MMP26: variants seen among roughly 807,000 people sequenced by gnomAD.
MMP26 encodes matrix metalloproteinase-26.
MMP26 carries 33 observed loss-of-function variants against 31.0 expected under a neutral mutation model. The observed-to-expected ratio is 1.06, with a 90% CI of 0.81 to 1.42. The LOEUF (loss-of-function observed/expected upper bound fraction) is 1.42, where lower values mean the gene tolerates loss of function less well. Ranked by LOEUF, MMP26 falls within the 40% of genes most tolerant of loss-of-function variation. The pLI is 0.00. For synonymous variants in MMP26, 122 were observed against 114.9 expected (o/e 1.06, Z -0.40); for missense variants, 347 against 316.1 (o/e 1.10, Z -0.74).
intron 2 of MMP26, among the ~76,000 whole-genome samples, chr11:4,863,397 C>A (rs927321369): frequency 6.6e-6 from 1 of 151,948 alleles, no homozygotes; most frequent in Non-Finnish European, 1.5e-5. Context: ...TAGTATATGT[C>A]TTCTTCTTTT....
At chr11:4,822,431 G>C (rs745606609) in intron 2 of MMP26, 2 of 1,394,570 alleles carry the variant, frequency 1.4e-6, no homozygotes, top group Non-Finnish European at 1.9e-6. Flanking sequence ...TGCTACAATG[G>C]AGTAATTGTC....
chr11:4,784,469 T>G (rs1848907975), intron 2 of MMP26, among the ~76,000 whole-genome samples: 1 of 152,204 alleles, frequency 6.6e-6, no homozygotes. Context: ...GATCACAAGA[T>G]GAGATCATCC....
At chr11:4,923,847 G>A in intron 2 of MMP26, 1 of 1,614,056 alleles carries the variant, frequency 6.2e-7, no homozygotes, top group Non-Finnish European at 8.5e-7. Context: ...AAGCGCTTCA[G>A]GAGGAATGGC....
At chr11:4,912,162 T>G (rs1482865039) in intron 2 of MMP26, among the ~76,000 whole-genome samples, 3 of 152,194 alleles carry the variant, frequency 2.0e-5, no homozygotes, top group Admixed American at 1.3e-4. Context: ...TGCTAAGAAT[T>G]ATATTAGAAA....
Position 4,833,265 on chromosome 11 carries a change from G to C in MMP26, c.-145+65924G>C, listed in dbSNP as rs59646922. Among the ~76,000 whole-genome samples the C allele has an allele frequency of 5.4e-3, 819 of 152,236 alleles. 10 individuals are homozygous for C. Among genetic ancestry groups the C allele is most frequent in the African/African-American group, 0.018 (762 of 41,552 alleles). On this transcript the variant is annotated intron_variant, in intron 2 of 7. Transcript: ENST00000380390. ...GCTTTTCTACTTTTGATAAAGAAGA[G>C]GCTTATATTTCATGAAAATGTTACA...
At chr11:4,933,843 G>A (rs947839795) in intron 2 of MMP26, among the ~76,000 whole-genome samples, 13 of 149,552 alleles carry the variant, frequency 8.7e-5, no homozygotes, top group African/African-American at 1.5e-4. Flanking sequence ...TTATTCTTGC[G>A]ATAGTTTACT....
chr11:4,968,917 A>G (rs545257406), intron 2 of MMP26, among the ~76,000 whole-genome samples: 1 of 152,074 alleles, frequency 6.6e-6, no homozygotes, highest in South Asian at 2.1e-4. Flanking sequence ...TTAGAATACA[A>G]TTACCTTTTT....
chr11:4,753,752 C>A lies in MMP26; in HGVS notation c.-216-13518C>A, dbSNP rs139399695. On this transcript the variant is annotated intron_variant, in intron 1 of 7. Coordinates refer to ENST00000380390, the MANE Select transcript of MMP26 (RefSeq NM_021801.5). ...GTAAGTACATTTACCTAAGAATTCA[C>A]CCCAGGTAAAGCCCATTCATCTTGC... Among the ~76,000 whole-genome samples, 888 of 152,172 alleles carry A rather than the reference C, an allele frequency of 5.8e-3. 14 individuals are homozygous for A. Among genetic ancestry groups the A allele is most frequent in the African/African-American group, 0.02 (838 of 41,536 alleles).
At chr11:4,933,332 C>G (rs369250464) in intron 2 of MMP26, among the ~76,000 whole-genome samples, 1 of 151,938 alleles carries the variant, frequency 6.6e-6, no homozygotes, top group Non-Finnish European at 1.5e-5. Context: ...AGTAAAAAGG[C>G]GGACAATCAC....
intron 1 of MMP26, among the ~76,000 whole-genome samples, chr11:4,713,634 TCAAATGTTC>T (rs1847889815): frequency 6.6e-6 from 1 of 152,232 alleles, no homozygotes; most frequent in South Asian, 2.1e-4. Context: ...GAAAGATACT[TCAAATGTTC>T]CATGAAAGAA....
At chr11:4,809,895 C>A (rs1305206153) in intron 2 of MMP26, among the ~76,000 whole-genome samples, 1 of 152,200 alleles carries the variant, frequency 6.6e-6, no homozygotes, top group Non-Finnish European at 1.5e-5. Context: ...TACAGATGAT[C>A]ACTCACCCAG....
chr11:4,858,799 T>A (rs745700583), intron 2 of MMP26, among the ~76,000 whole-genome samples: 2 of 152,144 alleles, frequency 1.3e-5, no homozygotes, highest in East Asian at 3.9e-4. Flanking sequence ...GCTGGAGGCA[T>A]CATGCTACCT....
At chr11:4,769,225 G>A (rs1209454361) in intron 2 of MMP26, 1 of 1,613,784 alleles carries the variant, frequency 6.2e-7, no homozygotes, top group Non-Finnish European at 8.5e-7. Flanking sequence ...CTTCAGGGGA[G>A]GCAATTCTGA....
chr11:4,873,791 G>A (rs530431086), intron 2 of MMP26, among the ~76,000 whole-genome samples: 138 of 152,138 alleles, frequency 9.1e-4, no homozygotes, highest in African/African-American at 2.9e-3. Flanking sequence ...CAACCCTATG[G>A]TAGGTACTAT....
intron 2 of MMP26, chr11:4,890,617 T>C (rs1477743065): frequency 6.6e-6 from 1 of 152,168 alleles, no homozygotes; most frequent in Non-Finnish European, 1.5e-5. Flanking sequence ...TTGAAAAGTA[T>C]TCTCAGGTCT....
intron 2 of MMP26, chr11:4,915,513 G>T (rs1002528710): frequency 2.5e-6 from 4 of 1,614,126 alleles, no homozygotes; most frequent in Admixed American, 1.7e-5. Flanking sequence ...ATGATAAAAA[G>T]AATTGTGCAG....
chr11:4,773,339 A>C (rs1473386490), intron 2 of MMP26, among the ~76,000 whole-genome samples: 1 of 152,234 alleles, frequency 6.6e-6, no homozygotes, highest in African/African-American at 2.4e-5. Context: ...CCTATGTGGC[A>C]AAAGACTAAG....
At chr11:4,936,640 G>A (rs949812924) in intron 2 of MMP26, among the ~76,000 whole-genome samples, 5 of 152,116 alleles carry the variant, frequency 3.3e-5, no homozygotes, top group African/African-American at 1.2e-4. Context: ...ATAATTAGCT[G>A]ATTCTAAGAG....
At chr11:4,970,726 C>T (rs1846654513) in intron 2 of MMP26, among the ~76,000 whole-genome samples, 1 of 152,126 alleles carries the variant, frequency 6.6e-6, no homozygotes, top group Non-Finnish European at 1.5e-5. Flanking sequence ...TCCTTGAACC[C>T]TTGGGAGTGC....
Sources: gnomAD v4.1 joint callset for allele counts (sites outside exome capture counted in the v4.1 genomes callset) on GRCh38, gnomAD v4.1.1 for gene constraint, MANE v1.5 for transcripts, NCBI Gene and HGNC (gene_info 2026-07-23, HGNC 2026-07-21) for gene names.